PKHD1: variants seen among roughly 807,000 people sequenced by gnomAD.
PKHD1 encodes fibrocystin.
Under a neutral mutation model 412.0 loss-of-function variants are expected in PKHD1, and 291 were observed. The observed-to-expected ratio is 0.71, with a 90% CI of 0.64 to 0.78. The LOEUF (loss-of-function observed/expected upper bound fraction) is 0.78. Among genes scored for constraint, PKHD1 ranks in the 30% least tolerant of loss-of-function variants. The pLI is 0.00. For synonymous variants in PKHD1, 1,777 were observed against 1,821.5 expected (o/e 0.98, Z 0.62); for missense variants, 4,825 against 4,950.7 (o/e 0.97, Z 0.76).
At chr6:52,020,281 T>C (rs894140483) in intron 33 of PKHD1, among the ~76,000 whole-genome samples, 7 of 152,098 alleles carry the variant, frequency 4.6e-5, no homozygotes, top group Admixed American at 1.3e-4. Context: ...ACACACCCCT[T>C]GGGATAACAG....
intron 36 of PKHD1, among the ~76,000 whole-genome samples, chr6:51,953,763 T>A (rs1318458297): frequency 6.6e-6 from 1 of 151,996 alleles, no homozygotes; most frequent in Admixed American, 6.6e-5. Flanking sequence ...AAACCCCAGA[T>A]GTAATGGACT....
At chr6:51,931,918 A>G (rs1184543609) in intron 37 of PKHD1, among the ~76,000 whole-genome samples, 1 of 148,540 alleles carries the variant, frequency 6.7e-6, no homozygotes, top group Non-Finnish European at 1.5e-5. Context: ...GAGAAGGAGA[A>G]TAAAGAAGAA....
intron 55 of PKHD1, among the ~76,000 whole-genome samples, chr6:51,768,460 C>G (rs1191638545): frequency 6.6e-6 from 1 of 151,830 alleles, no homozygotes; most frequent in Non-Finnish European, 1.5e-5. Context: ...CCTAAATTTA[C>G]TTCTAGATAT....
At chr6:51,947,781 C>G (rs1193853752) in intron 36 of PKHD1, among the ~76,000 whole-genome samples, 1 of 152,098 alleles carries the variant, frequency 6.6e-6, no homozygotes, top group Non-Finnish European at 1.5e-5. Flanking sequence ...TTGTCAATGA[C>G]TCTCAAATTT....
chr6:52,037,132 G>A (rs1804083954), intron 27 of PKHD1, among the ~76,000 whole-genome samples: 1 of 151,966 alleles, frequency 6.6e-6, no homozygotes, highest in Non-Finnish European at 1.5e-5. Flanking sequence ...TTTCACATAA[G>A]TGCAAAATAA....
intron 55 of PKHD1, among the ~76,000 whole-genome samples, chr6:51,769,176 A>T (rs1025655961): frequency 3.3e-5 from 5 of 151,452 alleles, no homozygotes; most frequent in Admixed American, 1.3e-4. Context: ...AAGTGTAAAG[A>T]TTATTTTAGG....
At chr6:51,950,220 A>ATATAT (rs1554156415) in intron 36 of PKHD1, among the ~76,000 whole-genome samples, 3,034 of 98,320 alleles carry the variant, frequency 0.031, 56 homozygotes, top group Non-Finnish European at 0.036. Context: ...GAAAAAAAAA[A>ATATAT]ATATATATAT....
chr6:51,865,318 T>C (rs937120562), intron 48 of PKHD1, among the ~76,000 whole-genome samples: 1 of 152,242 alleles, frequency 6.6e-6, no homozygotes, highest in Non-Finnish European at 1.5e-5. Context: ...AAATATTAAA[T>C]AGTGTGGCCA....
rs1160315893 is a variant in PKHD1, at chr6:51,911,911, A to G, written c.6378T>C (p.His2126=). 6.2e-7 allele frequency: 1 copy of G among 1,611,944 alleles called. No homozygotes were observed. The highest frequency in any genetic ancestry group is 8.5e-7 in the Non-Finnish European group (1 of 1,178,492). The change falls in exon 39 of 67, where the codon CAT becomes CAC. Residue 2126 remains histidine (H), a synonymous_variant. Transcript: ENST00000371117. Reference sequence around the variant, plus strand: ...GCAGAGCCACAGTGGCCTTTAAAATATGGTGCTCTCCAGCCACCCAATTCT... The same window carrying G: ...GCAGAGCCACAGTGGCCTTTAAAATGTGGTGCTCTCCAGCCACCCAATTCT... ...FTENWVAGEH[H]ILKATVALLS... is the part of the protein sequence containing the mutation.
At chr6:51,869,785 G>GAA (rs58393406) in intron 47 of PKHD1, among the ~76,000 whole-genome samples, 2 of 151,366 alleles carry the variant, frequency 1.3e-5, no homozygotes, top group Admixed American at 1.3e-4. Context: ...GCCTACATAG[G>GAA]AAAAAAAAGT....
intron 37 of PKHD1, among the ~76,000 whole-genome samples, chr6:51,918,702 A>G (rs549920846): frequency 6.6e-6 from 1 of 152,328 alleles, no homozygotes; most frequent in East Asian, 1.9e-4. Context: ...TCCTTTGGGT[A>G]TATACCCAGT....
At chr6:51,626,941 C>T in intron 66 of PKHD1, 56 bp downstream of exon 66, 1 of 1,594,552 alleles carries the variant, frequency 6.3e-7, no homozygotes, top group Non-Finnish European at 8.6e-7. Context: ...GAGGGAGGCT[C>T]AGACCATCCA....
intron 52 of PKHD1, among the ~76,000 whole-genome samples, chr6:51,804,361 G>T (rs1350036811): frequency 2.3e-5 from 1 of 43,272 alleles, no homozygotes; most frequent in East Asian, 4.4e-4. Flanking sequence ...TAATTCATTG[G>T]GGGGGGGGGG....
intron 56 of PKHD1, 62 bp downstream of exon 56, chr6:51,754,722 G>A (rs1786675569): frequency 2.1e-6 from 3 of 1,448,724 alleles, no homozygotes; most frequent in African/African-American, 2.8e-5. Flanking sequence ...TCCCCAGCTA[G>A]GTTACCAAAC....
chr6:51,699,917 T>C (rs529970357), intron 60 of PKHD1, among the ~76,000 whole-genome samples: 500 of 17,828 alleles, frequency 0.028, 4 homozygotes, highest in African/African-American at 0.049. Flanking sequence ...AATATATATA[T>C]GGAGTGTGTG....
intron 63 of PKHD1, among the ~76,000 whole-genome samples, chr6:51,641,892 T>G (rs918179419): frequency 1.3e-5 from 2 of 152,064 alleles, no homozygotes; most frequent in Non-Finnish European, 2.9e-5. Context: ...CTAGGGCCTG[T>G]CAGGGAGTGG....
intron 60 of PKHD1, among the ~76,000 whole-genome samples, chr6:51,707,996 G>T (rs1251193778): frequency 1.3e-5 from 2 of 152,052 alleles, no homozygotes; most frequent in African/African-American, 4.8e-5. Flanking sequence ...CCTGAGCCTT[G>T]GTTACATCTA....
chr6:51,754,908 G>C lies in PKHD1; in HGVS notation c.8673C>G (p.Arg2891=), dbSNP rs116098879. The change falls in exon 56 of 67, where the codon CGC becomes CGG. Residue 2891 remains arginine (R), a synonymous_variant. Transcript: ENST00000371117. ...RIIVEDAVDW[R]PHDKIVLSSS... is the part of the protein sequence containing the mutation. ...AGCTAAGGACTATTTTGTCATGGGG[G>C]CGCCAATCCACTGCATCTTCTACTA... 3,900 of 1,613,450 alleles carry C rather than the reference G, an allele frequency of 2.4e-3. 59 individuals carry two copies. The African/African-American group carries it at 0.044, about 18-fold the overall frequency.
chr6:51,763,067 A>C (rs1486942933), intron 55 of PKHD1, among the ~76,000 whole-genome samples: 1 of 152,090 alleles, frequency 6.6e-6, no homozygotes, highest in African/African-American at 2.4e-5. Flanking sequence ...TCTCCTCAGG[A>C]CTGATACTAA....
Sources: gnomAD v4.1 joint callset for allele counts (sites outside exome capture counted in the v4.1 genomes callset) on GRCh38, gnomAD v4.1.1 for gene constraint, MANE v1.5 for transcripts, NCBI Gene and HGNC (gene_info 2026-07-23, HGNC 2026-07-21) for gene names.